The following HIVEP3 variants were observed in gnomAD, a reference collection of about 807,000 sequenced individuals.
HIVEP3 encodes HIVEP zinc finger 3.
HIVEP3 carries 49 observed loss-of-function variants against 152.8 expected under a neutral mutation model. The ratio of observed to expected loss-of-function variants is 0.32; its 90% CI spans 0.26 to 0.41. HIVEP3 has a LOEUF of 0.41. Ranked by LOEUF, HIVEP3 falls within the 10% of genes least tolerant of loss-of-function variation. HIVEP3 has a pLI of 1.00. For synonymous variants in HIVEP3, 1,269 were observed against 1,289.0 expected (o/e 0.98, Z 0.33); for missense variants, 2,790 against 3,103.3 (o/e 0.90, Z 2.40).
At chr1:41,649,140 T>G (rs1166916250) in intron 2 of HIVEP3, among the ~76,000 whole-genome samples, 2 of 152,240 alleles carry the variant, frequency 1.3e-5, no homozygotes, top group East Asian at 3.8e-4. Context: ...AAGCCTCAAG[T>G]AGAGTCCCAG....
At chr1:41,785,581 G>A (rs1266303900) in intron 1 of HIVEP3, among the ~76,000 whole-genome samples, 44 of 152,190 alleles carry the variant, frequency 2.9e-4, no homozygotes, top group African/African-American at 8.7e-4. Flanking sequence ...GTCTGGCTTT[G>A]AAAATATTTA....
intron 1 of HIVEP3, among the ~76,000 whole-genome samples, chr1:41,871,804 A>C (rs1320628179): frequency 6.6e-6 from 1 of 152,242 alleles, no homozygotes; most frequent in East Asian, 1.9e-4. Context: ...AAAAGACAAG[A>C]ATAGGGCTAC....
intron 5 of HIVEP3, among the ~76,000 whole-genome samples, chr1:41,545,402 CACCAAT>C (rs1643744032): frequency 4.8e-4 from 3 of 6,198 alleles, no homozygotes; most frequent in Non-Finnish European, 7.0e-4. Flanking sequence ...ATACCACTAC[CACCAAT>C]ACCACCATCG....
chr1:41,736,285 T>C (rs1646918474), intron 1 of HIVEP3, among the ~76,000 whole-genome samples: 1 of 152,164 alleles, frequency 6.6e-6, no homozygotes, highest in South Asian at 2.1e-4. Flanking sequence ...GGTGTTCAGA[T>C]CTCTCCCTCC....
chr1:42,005,230 C>T (rs348139), intron 1 of HIVEP3, among the ~76,000 whole-genome samples: 120,297 of 152,136 alleles, frequency 0.79, 48,121 homozygotes, highest in East Asian at 0.96. Flanking sequence ...AATTCACTTA[C>T]TAATGTACAG....
In HIVEP3 at chr1:41,612,905, C is replaced by T. The variant is rs75919068; in HGVS notation, c.-522+15844G>A. ...GGTACAACTGAAGCCTCAGAAGAAC[C>T]GATAAACCATGTTTCTTGTTTGCCA... On this transcript the variant is annotated intron_variant, in intron 3 of 8. Coordinates refer to ENST00000372583, the MANE Select transcript of HIVEP3 (RefSeq NM_024503.5). Among the ~76,000 whole-genome samples the T allele has an allele frequency of 1.9e-3, 295 of 152,312 alleles. 1 individual carries two copies. Among genetic ancestry groups the T allele is most frequent in the Admixed American group, 0.013 (192 of 15,296 alleles).
chr1:41,663,886 C>T (rs1334842112), intron 2 of HIVEP3, among the ~76,000 whole-genome samples: 1 of 152,212 alleles, frequency 6.6e-6, no homozygotes, highest in Admixed American at 6.5e-5. Context: ...GGCCCAATCC[C>T]AGCTCTAATT....
intron 1 of HIVEP3, among the ~76,000 whole-genome samples, chr1:41,849,994 A>T (rs762537812): frequency 6.6e-6 from 1 of 152,110 alleles, no homozygotes; most frequent in Non-Finnish European, 1.5e-5. Context: ...TGGCCGGTAG[A>T]CCCAAATCTT....
intron 1 of HIVEP3, among the ~76,000 whole-genome samples, chr1:42,012,299 G>A (rs574759159): frequency 5.4e-4 from 82 of 152,242 alleles, no homozygotes; most frequent in Admixed American, 1.6e-3. Flanking sequence ...GAGTGTTTGC[G>A]TACCCCCCAA....
rs550192342 is a variant in HIVEP3 at position 41,748,228 on chromosome 1, A to C, written c.-800-47233T>G. ...GCTACAACCCTGGAATACTGGCTTTAGGTTCCTCTGGGTGAGGAACTTGTC... is the reference window on the plus strand; with the variant it reads ...GCTACAACCCTGGAATACTGGCTTTCGGTTCCTCTGGGTGAGGAACTTGTC... On this transcript the variant is annotated intron_variant, in intron 1 of 8. Coordinates refer to ENST00000372583, the MANE Select transcript of HIVEP3 (RefSeq NM_024503.5). Among the ~76,000 whole-genome samples, 4 of 152,208 alleles carry C rather than the reference A, an allele frequency of 2.6e-5. No individual in the cohort carries two copies. In the South Asian group the frequency reaches 8.3e-4, roughly 32 times the overall value.
chr1:41,583,499 T>C lies in HIVEP3; in HGVS notation c.1299A>G (p.Thr433=), dbSNP rs765741100. ...GRIGQRTAML[T]ATSTQPLLPL... ...GCAGGAGGGGCTGGGTGGAGGTGGC[T>C]GTCAGCATGGCGGTCCGCTGTCCTA... Residue 433 remains threonine (T), a synonymous_variant, in exon 4 of 9, where the codon ACA becomes ACG. Coordinates refer to ENST00000372583, the MANE Select transcript of HIVEP3 (RefSeq NM_024503.5). This position sits in a 1 kb window ranked among gnomAD's most constrained non-coding sequence, Gnocchi z 6.9. 6.2e-7 allele frequency: 1 copy of C among 1,613,922 alleles called. No homozygotes were observed. The highest frequency in any genetic ancestry group is 8.5e-7 in the Non-Finnish European group (1 of 1,179,912).
At chr1:41,770,549 T>C (rs931777405) in intron 1 of HIVEP3, among the ~76,000 whole-genome samples, 7 of 152,092 alleles carry the variant, frequency 4.6e-5, no homozygotes, top group Admixed American at 4.6e-4. Context: ...AATATTATTG[T>C]TGTCATGCGC....
intron 1 of HIVEP3, among the ~76,000 whole-genome samples, chr1:41,822,451 TC>T (rs1300532718): frequency 6.6e-6 from 1 of 152,194 alleles, no homozygotes; most frequent in Non-Finnish European, 1.5e-5. Context: ...TTGACTGCCA[TC>T]CAGAAGGACT....
At chr1:41,820,361 G>C (rs1233854356) in intron 1 of HIVEP3, among the ~76,000 whole-genome samples, 1 of 152,152 alleles carries the variant, frequency 6.6e-6, no homozygotes, top group Non-Finnish European at 1.5e-5. Flanking sequence ...ATAGGTCCCT[G>C]TTTGCCTGAG....
At chr1:41,862,266 T>C (rs190380207) in intron 1 of HIVEP3, among the ~76,000 whole-genome samples, 100 of 152,330 alleles carry the variant, frequency 6.6e-4, no homozygotes, top group African/African-American at 2.3e-3. Context: ...GTGTGGGCTC[T>C]GCACTCCTCT....
chr1:41,736,643 C>A (rs1278424943), intron 1 of HIVEP3, among the ~76,000 whole-genome samples: 2 of 152,236 alleles, frequency 1.3e-5, no homozygotes, highest in African/African-American at 4.8e-5. Flanking sequence ...CAGATGCAGG[C>A]CAAGGAACCA....
At chr1:41,806,952 G>A (rs751117937) in intron 1 of HIVEP3, among the ~76,000 whole-genome samples, 2 of 152,234 alleles carry the variant, frequency 1.3e-5, no homozygotes, top group Non-Finnish European at 2.9e-5. Context: ...GATGGGATGA[G>A]TCATCATTAG....
chr1:41,685,830 G>T (rs1289657961), intron 2 of HIVEP3, among the ~76,000 whole-genome samples: 1 of 152,120 alleles, frequency 6.6e-6, no homozygotes, highest in African/African-American at 2.4e-5. Context: ...GGAACCTTTG[G>T]GGTATGTGTA....
upstream of HIVEP3, among the ~76,000 whole-genome samples, chr1:41,923,161 T>C (rs1328234960): frequency 1.3e-5 from 2 of 152,236 alleles, no homozygotes; most frequent in Non-Finnish European, 2.9e-5. Flanking sequence ...TAATGGTTAC[T>C]ACATGGTAGT....
Sources: gnomAD v4.1 joint callset for allele counts (sites outside exome capture counted in the v4.1 genomes callset) on GRCh38, gnomAD v4.1.1 for gene constraint, Gnocchi (gnomAD v3.1) non-coding constraint, MANE v1.5 for transcripts, NCBI Gene and HGNC (gene_info 2026-07-23, HGNC 2026-07-21) for gene names.